The following PRKD2 variants were observed in gnomAD, a reference collection of about 807,000 sequenced individuals.
The protein encoded by PRKD2 is serine/threonine-protein kinase D2.
PRKD2 carries 22 observed loss-of-function variants against 86.0 expected under a neutral mutation model. The ratio of observed to expected loss-of-function variants is 0.26; its 90% confidence interval spans 0.18 to 0.37. The LOEUF (loss-of-function observed/expected upper bound fraction) is 0.37, where lower values mean the gene tolerates loss of function less well. Ranked by LOEUF, PRKD2 falls within the 10% of genes least tolerant of loss-of-function variation. PRKD2 has a pLI of 1.00. For synonymous variants in PRKD2, 509 were observed against 510.9 expected (o/e 1.00, Z 0.05); for missense variants, 818 against 1,199.2 (o/e 0.68, Z 4.70).
At chr19:46,677,421 T>G (rs769299151) in intron 16 of PRKD2, 2 of 152,012 alleles carry the variant, frequency 1.3e-5, no homozygotes, top group African/African-American at 4.8e-5. Context: ...GTTGAATAAA[T>G]GGTTATAAAT....
intron 16 of PRKD2, chr19:46,677,186 C>G (rs375459727): frequency 1.3e-5 from 2 of 152,610 alleles, no homozygotes; most frequent in Non-Finnish European, 2.9e-5. Context: ...TGTCCTGCAC[C>G]GAGCAACCTC....
At chr19:46,674,780 C>A in intron 17 of PRKD2, 45 bp from the exon 18 acceptor site, 1 of 1,565,548 alleles carries the variant, frequency 6.4e-7, no homozygotes, top group Non-Finnish European at 8.6e-7. Flanking sequence ...TGCATTGGAG[C>A]AGTGCCTGGA....
At chr19:46,712,092 C>T (rs1259312578) in intron 2 of PRKD2, among the ~76,000 whole-genome samples, 1 of 150,034 alleles carries the variant, frequency 6.7e-6, no homozygotes, top group Admixed American at 6.7e-5. Flanking sequence ...AAAAAAAGCC[C>T]AGTGTGGTGG....
chr19:46,702,939 T>C (rs1468530041), intron 5 of PRKD2, among the ~76,000 whole-genome samples: 4 of 152,178 alleles, frequency 2.6e-5, no homozygotes, highest in Non-Finnish European at 5.9e-5. Context: ...TCCACCTACC[T>C]TGGCCTCCCA....
At chr19:46,688,470 CTT>C (rs1046553106) in intron 14 of PRKD2, among the ~76,000 whole-genome samples, 4 of 143,720 alleles carry the variant, frequency 2.8e-5, no homozygotes, top group Admixed American at 2.8e-4. Context: ...AAGTTTCACT[CTT>C]GTCCCCCAGG....
chr19:46,675,048 G>C lies in PRKD2; in HGVS notation c.2409C>G (p.Ser803Arg). 1 of 1,609,220 alleles carries C rather than the reference G, an allele frequency of 6.2e-7. No homozygotes were observed. ...RKRYSVDKSL[S>R]HPWLQEYQTW... The stretch of plus-strand genomic sequence containing the variant: ...CCTGCATCACCTGTAACCAGGGGTG[G>C]CTGAGAGATTTGTCCACGCTGTAGC... Residue 803 changes from serine to arginine, a missense_variant, in exon 17 of 18, where the codon AGC becomes AGG. Around this residue, in one of 5 missense-constraint regions of PRKD2, gnomAD observed 132 missense variants for 146.2 expected, o/e 0.90. Coordinates refer to ENST00000291281, the MANE Select transcript of PRKD2 (RefSeq NM_016457.5).
intron 14 of PRKD2, among the ~76,000 whole-genome samples, chr19:46,685,032 G>A (rs1267681865): frequency 2.0e-5 from 3 of 151,514 alleles, no homozygotes; most frequent in Non-Finnish European, 4.4e-5. Context: ...AGGCTGAGGC[G>A]GGTGGATCAC....
chr19:46,702,140 G>T (rs1010044592), intron 5 of PRKD2, among the ~76,000 whole-genome samples: 5 of 150,150 alleles, frequency 3.3e-5, no homozygotes, highest in African/African-American at 1.2e-4. Context: ...CCAGGCTCAA[G>T]CGATCTTCCC....
rs1056448734 is a variant in PRKD2, at chr19:46,697,982, T to C, written c.1122-132A>G. 6 of 717,644 alleles carry C rather than the reference T, an allele frequency of 8.4e-6. No homozygotes were observed. The East Asian group carries it at 1.6e-4, about 19-fold the overall frequency. The allele number at this position is 717,644 out of a possible 1,614,324, so 44.5% of individuals were successfully genotyped here. ...GTTTGTTTGGTTTGTTTTGACATTT[T>C]CCCCCCAACACACACCCGGGAGTTG... On this transcript the variant is annotated intron_variant, in intron 7 of 17. Transcript: ENST00000291281.
intron 3 of PRKD2, 79 bp downstream of exon 3, chr19:46,710,827 TC>T (rs1331075536): frequency 1.4e-6 from 2 of 1,412,798 alleles, no homozygotes; most frequent in Non-Finnish European, 1.9e-6. Context: ...CCCCACGCTG[TC>T]CCCGTGCCAG....
chr19:46,703,422 T>C (rs1345060576), intron 5 of PRKD2, among the ~76,000 whole-genome samples: 1 of 149,900 alleles, frequency 6.7e-6, no homozygotes, highest in Non-Finnish European at 1.5e-5. Context: ...AGCCCAGGAG[T>C]TCAAGACCAG....
chr19:46,710,812 C>T lies in PRKD2; in HGVS notation c.511+95G>A, dbSNP rs2053795130. 5.3e-6 allele frequency: 7 copies of T among 1,327,400 alleles called. No homozygotes were observed. In the South Asian group the frequency reaches 5.9e-5, roughly 11 times the overall value. 82.2% of individuals were successfully genotyped at this position (1,327,400 alleles called of 1,614,324 possible). On this transcript the variant is annotated intron_variant, in intron 3 of 17. Transcript: ENST00000291281. The stretch of plus-strand genomic sequence containing the variant: ...GCGCCCCCAGCTCTGAGACCCGCTC[C>T]TCCTCCCCACGCTGTCCCCGTGCCA...
chr19:46,697,352 C>G, intron 8 of PRKD2, 118 bp from the exon 9 acceptor site: 1 of 730,016 alleles, frequency 1.4e-6, no homozygotes. Flanking sequence ...GTAACTCTAG[C>G]ACCTACCCCA....
intron 5 of PRKD2, among the ~76,000 whole-genome samples, chr19:46,703,771 C>CAAA (rs1185254793): frequency 8.7e-6 from 1 of 114,604 alleles, no homozygotes; most frequent in Non-Finnish European, 1.9e-5. Context: ...GACTCCGTCT[C>CAAA]AAAAAAAAAA....
chr19:46,714,287 C>T (rs565117062), intron 1 of PRKD2: 32 of 1,187,214 alleles, frequency 2.7e-5, no homozygotes, highest in Non-Finnish European at 3.4e-5. Context: ...TCGAATTTTC[C>T]GGAACCTGGC....
At chr19:46,694,510 G>A (rs564927178) in intron 9 of PRKD2, among the ~76,000 whole-genome samples, 72 of 152,230 alleles carry the variant, frequency 4.7e-4, no homozygotes, top group Admixed American at 4.4e-3. Flanking sequence ...CAGGAAAATC[G>A]CTTGCACCTG....
intron 3 of PRKD2, among the ~76,000 whole-genome samples, chr19:46,705,660 G>A (rs368393137): frequency 6.6e-6 from 1 of 152,116 alleles, no homozygotes; most frequent in African/African-American, 2.4e-5. Flanking sequence ...AGTGGCACAC[G>A]CCTGTAATCC....
At chr19:46,702,376 CAA>C (rs2053649394) in intron 5 of PRKD2, among the ~76,000 whole-genome samples, 1 of 151,986 alleles carries the variant, frequency 6.6e-6, no homozygotes, top group Non-Finnish European at 1.5e-5. Context: ...GTTTGATGTC[CAA>C]GTTTCTAGAA....
chr19:46,694,547 A>ATCG (rs1239842039), intron 9 of PRKD2, among the ~76,000 whole-genome samples: 3 of 152,072 alleles, frequency 2.0e-5, no homozygotes, highest in African/African-American at 7.2e-5. Context: ...ATGAGCCAAG[A>ATCG]TCGCACCACT....
Sources: allele counts gnomAD v4.1 joint callset (sites outside exome capture counted in the v4.1 genomes callset), GRCh38; gene constraint gnomAD v4.1.1; regional missense constraint gnomAD v4.1.1; transcripts MANE v1.5; gene names NCBI Gene and HGNC (gene_info 2026-07-23, HGNC 2026-07-21).